Variants in RBFOX1 observed in about 807,000 individuals in gnomAD.
RBFOX1 encodes the protein RNA binding protein fox-1 homolog 1.
RBFOX1 carries 8 observed loss-of-function variants against 57.7 expected under a neutral mutation model. The observed-to-expected ratio is 0.14, with a 90% CI of 0.08 to 0.25. The LOEUF (loss-of-function observed/expected upper bound fraction) is 0.25, where lower values mean the gene tolerates loss of function less well. RBFOX1 is among the 10% of genes least tolerant of loss of function. The pLI is 1.00. For missense variants in RBFOX1, 611 were observed against 548.5 expected (o/e 1.11, Z -1.14); for synonymous variants, 326 against 222.4 (o/e 1.47, Z -4.15).
chr16:5,458,281 A>G (rs28633843), intron 1 of RBFOX1, among the ~76,000 whole-genome samples: 16,450 of 151,946 alleles, frequency 0.11, 939 homozygotes, highest in Middle Eastern at 0.17. Context: ...GTCATTTTCT[A>G]TGTCATCGAT....
At chr16:5,450,129 G>C (rs2068377375) in intron 1 of RBFOX1, among the ~76,000 whole-genome samples, 1 of 152,214 alleles carries the variant, frequency 6.6e-6, no homozygotes, top group Non-Finnish European at 1.5e-5. Context: ...GGGTTGGGCA[G>C]GAGAGGTGGC....
chr16:6,150,442 A>T (rs576077653), intron 1 of RBFOX1, among the ~76,000 whole-genome samples: 1 of 152,152 alleles, frequency 6.6e-6, no homozygotes, highest in East Asian at 1.9e-4. Flanking sequence ...TACTTCTGGA[A>T]ATTCTTTCCT....
intron 4 of RBFOX1, among the ~76,000 whole-genome samples, chr16:7,136,240 C>A (rs1167408101): frequency 6.6e-6 from 1 of 152,112 alleles, no homozygotes; most frequent in Non-Finnish European, 1.5e-5. Flanking sequence ...CCAGTAATCA[C>A]AGTGGATATT....
intron 2 of RBFOX1, among the ~76,000 whole-genome samples, chr16:5,531,291 GCAGA>G (rs1036354895): frequency 6.6e-6 from 1 of 152,152 alleles, no homozygotes; most frequent in African/African-American, 2.4e-5. Flanking sequence ...GTATCTTGCA[GCAGA>G]CAGGGGTACT....
At chr16:6,182,895 A>G (rs1162788600) in intron 1 of RBFOX1, among the ~76,000 whole-genome samples, 5 of 152,212 alleles carry the variant, frequency 3.3e-5, no homozygotes, top group Non-Finnish European at 7.3e-5. Context: ...CTGTTAATGT[A>G]CTTTTATCAG....
intron 4 of RBFOX1, among the ~76,000 whole-genome samples, chr16:5,870,732 T>C (rs1341604018): frequency 6.6e-6 from 1 of 152,104 alleles, no homozygotes; most frequent in East Asian, 1.9e-4. Flanking sequence ...GAATTTCTAA[T>C]GGCAATTCAT....
intron 1 of RBFOX1, among the ~76,000 whole-genome samples, chr16:6,083,014 G>GTTTTT (rs34358141): frequency 0.022 from 3,347 of 151,010 alleles, 164 homozygotes; most frequent in East Asian, 0.17. Context: ...TTGTTTGTTT[G>GTTTTT]TTTTTTAGAT....
chr16:5,699,859 A>G (rs1226195959), intron 3 of RBFOX1, among the ~76,000 whole-genome samples: 1 of 152,092 alleles, frequency 6.6e-6, no homozygotes, highest in African/African-American at 2.4e-5. Context: ...TTTAAGACGG[A>G]GTCTTGCTCT....
chr16:6,866,485 T>A (rs1232342657), intron 3 of RBFOX1, among the ~76,000 whole-genome samples: 2 of 151,288 alleles, frequency 1.3e-5, no homozygotes, highest in African/African-American at 4.9e-5. Flanking sequence ...AAAAAGTGTG[T>A]TTCACAAAGG....
chr16:5,587,869 C>T (rs1249796377), intron 2 of RBFOX1, among the ~76,000 whole-genome samples: 1 of 152,154 alleles, frequency 6.6e-6, no homozygotes, highest in Admixed American at 6.5e-5. Flanking sequence ...ATGTACCCCA[C>T]AGAAGTATCA....
chr16:5,540,964 C>T (rs1466016228), intron 2 of RBFOX1, among the ~76,000 whole-genome samples: 1 of 152,128 alleles, frequency 6.6e-6, no homozygotes, highest in Non-Finnish European at 1.5e-5. Context: ...ATTGTCCTGC[C>T]TCAGCGTCCT....
chr16:7,631,027 C>CTG (rs1264490666), intron 11 of RBFOX1, among the ~76,000 whole-genome samples: 65 of 152,286 alleles, frequency 4.3e-4, no homozygotes, highest in African/African-American at 1.5e-3. Flanking sequence ...ATACAGGCCA[C>CTG]CCCAAAGGCA....
chr16:6,767,127 C>T (rs567766155), intron 3 of RBFOX1, among the ~76,000 whole-genome samples: 4 of 152,112 alleles, frequency 2.6e-5, no homozygotes, highest in Non-Finnish European at 5.9e-5. Context: ...ACCTCTCTTG[C>T]ATTTTTCCTC....
intron 3 of RBFOX1, among the ~76,000 whole-genome samples, chr16:5,677,001 T>TA (rs1216434895): frequency 1.3e-5 from 2 of 152,200 alleles, no homozygotes; most frequent in African/African-American, 2.4e-5. Flanking sequence ...AGGTGTGAAG[T>TA]AAATATCTCA....
At chr16:7,050,220 C>A (rs977762373) in intron 3 of RBFOX1, among the ~76,000 whole-genome samples, 3 of 149,662 alleles carry the variant, frequency 2.0e-5, no homozygotes, top group Non-Finnish European at 4.4e-5. Context: ...ATATTTCTCC[C>A]AGTCTTTTCC....
At chr16:5,428,240 G>C (rs114815137) in intron 1 of RBFOX1, among the ~76,000 whole-genome samples, 1,676 of 152,242 alleles carry the variant, frequency 0.011, 33 homozygotes, top group African/African-American at 0.038. Flanking sequence ...GGCAAACCTT[G>C]AGAAGCCAGA....
intron 3 of RBFOX1, among the ~76,000 whole-genome samples, chr16:7,046,480 T>C (rs1027109135): frequency 4.6e-5 from 7 of 152,110 alleles, no homozygotes; most frequent in African/African-American, 1.7e-4. Context: ...TACATTAAAA[T>C]ATCAAGTTCA....
chr16:5,636,040 C>T (rs2108992), intron 3 of RBFOX1, among the ~76,000 whole-genome samples: 78,356 of 151,722 alleles, frequency 0.52, 24,139 homozygotes, highest in Non-Finnish European at 0.7. Flanking sequence ...GGGACCCTTT[C>T]TCCATTTAAA....
At chr16:5,579,082 A>G (rs1348135000) in intron 2 of RBFOX1, among the ~76,000 whole-genome samples, 2 of 152,156 alleles carry the variant, frequency 1.3e-5, no homozygotes, top group Non-Finnish European at 2.9e-5. Context: ...TCCTGACCTC[A>G]GGTGATCCCA....
Sources: allele counts gnomAD v4.1 joint callset (sites outside exome capture counted in the v4.1 genomes callset), GRCh38; gene constraint gnomAD v4.1.1; transcripts MANE v1.5; gene names NCBI Gene and HGNC (gene_info 2026-07-23, HGNC 2026-07-21).